Variants in ALS2 observed in about 807,000 individuals in gnomAD.
ALS2 encodes the protein alsin.
A neutral mutation model predicts 203.4 loss-of-function variants in ALS2; 117 were observed. The ratio of observed to expected loss-of-function variants is 0.58; its 90% CI spans 0.50 to 0.67. The LOEUF (loss-of-function observed/expected upper bound fraction) is 0.67. Ranked by LOEUF, ALS2 falls within the 30% of genes least tolerant of loss-of-function variation. The probability of loss-of-function intolerance (pLI) is 0.00; values close to 1 mark genes in which losing one functional copy is unlikely to be tolerated. For synonymous variants in ALS2, 718 were observed against 725.9 expected, an observed-to-expected ratio of 0.99 and a Z score of 0.17; for missense variants, 1,715 against 1,989.4, an observed-to-expected ratio of 0.86 and a Z score of 2.62.
chr2:201,760,984 G>A lies in ALS2; in HGVS notation c.1010C>T (p.Pro337Leu). The change falls in exon 4 of 34, where the codon CCA (proline) becomes CTA (leucine). Residue 337 changes from proline to leucine, a missense_variant. Transcript: ENST00000264276. ...GACTGCTTGGGTGTCAGGGTATGAT[G>A]GTATGTTTCTGGCAGAGGAAATTTC... ...TTEISSARNI[P>L]SYPDTQAVNE... 6.2e-7 allele frequency: 1 copy of A among 1,614,108 alleles called. No homozygotes were observed.
At chr2:201,728,976 CAG>C in intron 14 of ALS2, 74 bp downstream of exon 14, 2 of 1,607,604 alleles carry the variant, frequency 1.2e-6, no homozygotes, top group South Asian at 2.2e-5. Context: ...AAGTGAGGAA[CAG>C]AGAAAATTGT....
intron 2 of ALS2, among the ~76,000 whole-genome samples, chr2:201,768,274 T>C (rs1405387134): frequency 6.6e-6 from 1 of 152,220 alleles, no homozygotes; most frequent in Non-Finnish European, 1.5e-5. Context: ...GTTTAAAGAA[T>C]ACAAAACACA....
intron 12 of ALS2, among the ~76,000 whole-genome samples, chr2:201,735,825 AG>A (rs1177769708): frequency 2.0e-5 from 3 of 152,248 alleles, no homozygotes; most frequent in African/African-American, 7.2e-5. Flanking sequence ...CCCTTCAGGA[AG>A]CCCAGAAGCT....
chr2:201,763,737 T>C (rs538336343), intron 3 of ALS2, among the ~76,000 whole-genome samples: 2 of 152,364 alleles, frequency 1.3e-5, no homozygotes, highest in East Asian at 3.9e-4. Flanking sequence ...GGTATATAAA[T>C]AACTCATGTA....
rs976585069 is a variant in ALS2, at chr2:201,727,614, C to T, written c.2912+91G>A. 46 of 1,181,180 alleles carry T rather than the reference C, an allele frequency of 3.9e-5. No individual in the cohort carries two copies. In the Admixed American group the frequency reaches 4.0e-4, roughly 10 times the overall value. 73.2% of individuals were successfully genotyped at this position (1,181,180 alleles called of 1,614,324 possible). A position where few individuals can be genotyped will look rare whatever the true frequency, so the allele number is the denominator to read the frequency against. ...TTATACAGAATGAGGAGACTGTCTC[C>T]GAAGCCTTCCTGAGCTTTTTTTCAC... On this transcript the variant is annotated intron_variant, in intron 16 of 33. Coordinates refer to ENST00000264276, the MANE Select transcript of ALS2 (RefSeq NM_020919.4).
chr2:201,757,499 T>C lies in ALS2; in HGVS notation c.1374A>G (p.Ser458=). Residue 458 remains serine (S), a synonymous_variant, in exon 5 of 34, where the codon TCA becomes TCG. Transcript: ENST00000264276. ...DSREEQVKQE[S]MQGKKSSSLV... ...GACTTGAACTTTTCTTTCCTTGCATTGATTCCTGTTTAACCTGTTCTTCCC... is the reference window on the plus strand; with the variant it reads ...GACTTGAACTTTTCTTTCCTTGCATCGATTCCTGTTTAACCTGTTCTTCCC... The C allele has an allele frequency of 6.2e-7, 1 of 1,613,964 alleles. No individual in the cohort carries two copies. The highest frequency in any genetic ancestry group is 8.5e-7 in the Non-Finnish European group (1 of 1,179,900).
chr2:201,732,075 G>C (rs1691593226), intron 13 of ALS2, among the ~76,000 whole-genome samples: 1 of 152,098 alleles, frequency 6.6e-6, no homozygotes. Context: ...ATCTCATTGG[G>C]ATATTTGAGA....
Position 201,754,595 on chromosome 2 carries a change from T to C in ALS2, c.1548A>G (p.Glu516=), listed in dbSNP as rs752923540. 6.2e-7 allele frequency: 1 copy of C among 1,614,160 alleles called. No individual in the cohort carries two copies. The highest frequency in any genetic ancestry group is 8.5e-7 in the Non-Finnish European group (1 of 1,180,012). The change falls in exon 6 of 34, where the codon GAA becomes GAG. Residue 516 remains glutamate (E), a synonymous_variant. Coordinates refer to ENST00000264276, the MANE Select transcript of ALS2 (RefSeq NM_020919.4). ...TVVLTPTYSG[E]ADALLPSLRT... is the part of the protein sequence containing the mutation. Reference sequence around the variant, plus strand: ...TCAGAGAAGGCAGGAGCGCATCTGCTTCTCCACTGTATGTGGGGGTCAGAA... The same window carrying C: ...TCAGAGAAGGCAGGAGCGCATCTGCCTCTCCACTGTATGTGGGGGTCAGAA...
intron 1 of ALS2, among the ~76,000 whole-genome samples, chr2:201,780,500 G>A (rs963744559): frequency 2.0e-5 from 3 of 152,214 alleles, no homozygotes; most frequent in African/African-American, 4.8e-5. Context: ...GCCTAGTGTG[G>A]GCATTCAAGA....
At chr2:201,734,549 C>T (rs1018580021) in intron 12 of ALS2, among the ~76,000 whole-genome samples, 5 of 152,042 alleles carry the variant, frequency 3.3e-5, no homozygotes, top group African/African-American at 7.2e-5. Flanking sequence ...TCTTTCTCCA[C>T]GTTCTACTGC....
intron 13 of ALS2, among the ~76,000 whole-genome samples, chr2:201,730,632 TA>T (rs1028735012): frequency 1.9e-3 from 277 of 146,344 alleles, no homozygotes; most frequent in Middle Eastern, 0.014. Flanking sequence ...CTTTCAAGTT[TA>T]AAAAAAAAAA....
chr2:201,747,021 T>C (rs1280272948), intron 8 of ALS2, among the ~76,000 whole-genome samples: 3 of 152,188 alleles, frequency 2.0e-5, no homozygotes, highest in African/African-American at 4.8e-5. Context: ...TAATTTTTTA[T>C]TGTTACTTTT....
chr2:201,778,828 T>TG (rs1694770878), intron 1 of ALS2, among the ~76,000 whole-genome samples: 1 of 152,180 alleles, frequency 6.6e-6, no homozygotes, highest in Admixed American at 6.5e-5. Flanking sequence ...AGCATGCCTC[T>TG]GAGTGAGAAA....
At chr2:201,726,911 T>G (rs1691208648) in intron 17 of ALS2, 45 bp from the exon 18 acceptor site, 1 of 1,522,006 alleles carries the variant, frequency 6.6e-7, no homozygotes, top group African/African-American at 1.4e-5. Flanking sequence ...CAACAATTCA[T>G]CAAGCATTGC....
chr2:201,761,405 GTTCTACCT>G lies in ALS2; in HGVS notation c.581_588del (p.Lys194ThrfsTer48). ...TGAAGCACCACTCGCCCAGCAAGAT[GTTCTACCT>G]TTTGCGGCTTTGTCACTGGGAAGGC... is the stretch of plus-strand genomic sequence containing the variant. On this transcript the variant is annotated frameshift_variant, in exon 4 of 34. Coordinates refer to ENST00000264276, the MANE Select transcript of ALS2 (RefSeq NM_020919.4). LOFTEE classifies it high-confidence loss of function. 6.2e-7 allele frequency: 1 copy of G among 1,609,838 alleles called. No homozygotes were observed. The highest frequency in any genetic ancestry group is 8.5e-7 in the Non-Finnish European group (1 of 1,176,626).
chr2:201,730,395 T>C (rs1484258726), intron 13 of ALS2, among the ~76,000 whole-genome samples: 1 of 152,174 alleles, frequency 6.6e-6, no homozygotes, highest in Non-Finnish European at 1.5e-5. Flanking sequence ...CACAGGATAA[T>C]AGAACTACCA....
intron 7 of ALS2, among the ~76,000 whole-genome samples, chr2:201,750,049 C>T (rs917878328): frequency 6.6e-6 from 1 of 151,746 alleles, no homozygotes; most frequent in South Asian, 2.1e-4. Context: ...GCCTGTAATC[C>T]CAGCTACTTG....
At chr2:201,733,207 C>T in intron 13 of ALS2, 69 bp downstream of exon 13, 7 of 1,508,730 alleles carry the variant, frequency 4.6e-6, no homozygotes, top group Non-Finnish European at 5.5e-6. Context: ...CTTGTGGTGG[C>T]ATAATCCATA....
At chr2:201,728,260 G>A (rs934550606) in intron 15 of ALS2, among the ~76,000 whole-genome samples, 3 of 151,534 alleles carry the variant, frequency 2.0e-5, no homozygotes, top group South Asian at 2.1e-4. Context: ...CCGACCCCAC[G>A]ACAGGCCCCG....
Sources: allele counts gnomAD v4.1 joint callset (sites outside exome capture counted in the v4.1 genomes callset), GRCh38; gene constraint gnomAD v4.1.1; transcripts MANE v1.5; gene names NCBI Gene and HGNC (gene_info 2026-07-23, HGNC 2026-07-21).